The following CRTC1 variants were observed in gnomAD, a reference collection of about 807,000 sequenced individuals.
CRTC1 encodes the protein CREB-regulated transcription coactivator 1.
A neutral mutation model predicts 66.1 loss-of-function variants in CRTC1; 18 were observed. The ratio of observed to expected loss-of-function variants is 0.27; its 90% confidence interval spans 0.19 to 0.40. The LOEUF (loss-of-function observed/expected upper bound fraction) is 0.40. Among genes scored for constraint, CRTC1 ranks in the 10% least tolerant of loss-of-function variants. The pLI is 1.00. For missense variants in CRTC1, 669 were observed against 887.9 expected (o/e 0.75, Z 3.13); for synonymous variants, 416 against 398.8 (o/e 1.04, Z -0.51).
intron 6 of CRTC1, among the ~76,000 whole-genome samples, chr19:18,758,605 G>A (rs912082693): frequency 6.6e-6 from 1 of 152,178 alleles, no homozygotes; most frequent in Non-Finnish European, 1.5e-5. Context: ...GCAGAGGGAC[G>A]TCTCGGGACT....
Position 18,781,876 on chromosome 19 carries a change from C to CG in CRTC1, c.*4495dup. The CG allele has an allele frequency of 4.3e-6, 1 of 230,666 alleles. No individual in the cohort carries two copies. Among genetic ancestry groups the CG allele is most frequent in the Non-Finnish European group, 8.6e-6 (1 of 116,396 alleles). The allele number at this position is 230,666 out of a possible 1,614,324, so 14.3% of individuals were successfully genotyped here. A position where few individuals can be genotyped will look rare whatever the true frequency, so the allele number is the denominator to read the frequency against. The stretch of plus-strand genomic sequence containing the variant: ...TGGGGTCGGGGGATGGCCCCCATCT[C>CG]GAAGTGTTCTGGAATTTGGGGGCAA... On this transcript the variant is annotated 3_prime_UTR_variant, in exon 14 of 14. Transcript: ENST00000321949.
intron 6 of CRTC1, among the ~76,000 whole-genome samples, chr19:18,755,087 G>A (rs539365508): frequency 3.3e-5 from 5 of 151,596 alleles, no homozygotes; most frequent in South Asian, 4.2e-4. Flanking sequence ...GGGTTCAAGC[G>A]AAGTGATTCT....
intron 11 of CRTC1, among the ~76,000 whole-genome samples, chr19:18,774,226 C>T (rs1259467446): frequency 1.1e-4 from 16 of 152,108 alleles, no homozygotes; most frequent in Non-Finnish European, 1.5e-5. Flanking sequence ...GGAGGGGCTC[C>T]GAGTGTCTCC....
intron 1 of CRTC1, among the ~76,000 whole-genome samples, chr19:18,717,403 G>GAGC (rs1359828561): frequency 1.3e-5 from 2 of 152,042 alleles, no homozygotes; most frequent in East Asian, 1.9e-4. Context: ...GGCATCCCTG[G>GAGC]AGCCCTTGCC....
chr19:18,766,429 G>A (rs942860046), intron 9 of CRTC1, among the ~76,000 whole-genome samples: 4 of 146,590 alleles, frequency 2.7e-5, no homozygotes, highest in Admixed American at 6.9e-5. Flanking sequence ...GTGAGCCACC[G>A]CGCCTGACCG....
chr19:18,747,002 T>G, intron 3 of CRTC1, 51 bp from the exon 4 acceptor site: 1 of 1,564,054 alleles, frequency 6.4e-7, no homozygotes, highest in Non-Finnish European at 8.8e-7. Flanking sequence ...GAGAGTGTGT[T>G]GTTGGAGGCG....
chr19:18,768,528 A>C lies in CRTC1; in HGVS notation c.1055A>C (p.Tyr352Ser). 1 of 1,609,506 alleles carries C rather than the reference A, an allele frequency of 6.2e-7. No individual in the cohort carries two copies. ...CTGTCTCTGGAGCAGCAGCTGCCCT[A>C]CGCCTTCTTCACCCAGGCGGGCTCC... is the stretch of plus-strand genomic sequence containing the variant. ...DALSLEQQLP[Y>S]AFFTQAGSQQ... The change falls in exon 10 of 14, where the codon TAC becomes TCC. Residue 352 changes from tyrosine (Y) to serine (S), a missense_variant. Coordinates refer to ENST00000321949, the MANE Select transcript of CRTC1 (RefSeq NM_015321.3). This position sits in a 1 kb window ranked among gnomAD's most constrained non-coding sequence, Gnocchi z 5.6.
Position 18,777,184 on chromosome 19 carries a change from C to A in CRTC1, c.1707C>A (p.Ser569=). ...PNIILTVTGE[S]PPSLSKELTS... ...CCCATCCCCCAGTGACAGGAGAGTC[C>A]CCCCCCAGCCTCTCTAAAGAACTGA... Residue 569 remains serine, a synonymous_variant, in exon 14 of 14, where the codon TCC becomes TCA. Transcript: ENST00000321949. The surrounding 1 kb of genome is among the most constrained non-coding windows in gnomAD (Gnocchi z 5.5). The A allele has an allele frequency of 6.3e-7, 1 of 1,585,658 alleles. No individual in the cohort carries two copies. Among genetic ancestry groups the A allele is most frequent in the Non-Finnish European group, 8.6e-7 (1 of 1,158,944 alleles).
chr19:18,727,350 G>A (rs2053778515), intron 1 of CRTC1, among the ~76,000 whole-genome samples: 1 of 151,934 alleles, frequency 6.6e-6, no homozygotes, highest in Non-Finnish European at 1.5e-5. Context: ...GGTAGGCCGA[G>A]GCAGGCAGGT....
At position 18,749,888 on chromosome 19, in the gene CRTC1, G is replaced by A; in HGVS notation, c.538+13G>A. 6.2e-7 allele frequency: 1 copy of A among 1,609,002 alleles called. No homozygotes were observed. The highest frequency in any genetic ancestry group is 1.7e-5 in the Admixed American group (1 of 60,012). On this transcript the variant is annotated intron_variant, in intron 5 of 13. Transcript: ENST00000321949. The stretch of plus-strand genomic sequence containing the variant: ...CACCAGAAAAGAGGTATGGACAGGG[G>A]ACTCGGGTGTCTCTGCTGGGGTGAG...
intron 1 of CRTC1, among the ~76,000 whole-genome samples, chr19:18,694,819 G>C (rs1374324848): frequency 6.6e-6 from 1 of 152,100 alleles, no homozygotes; most frequent in Non-Finnish European, 1.5e-5. Context: ...TGTTAAGGAA[G>C]ATCAGCTGCA....
intron 1 of CRTC1, among the ~76,000 whole-genome samples, chr19:18,728,814 CCTT>C (rs2053818521): frequency 1.7e-5 from 1 of 59,920 alleles, no homozygotes; most frequent in South Asian, 5.8e-4. Flanking sequence ...CCTCACCTGG[CCTT>C]TTTTTTTTTT....
chr19:18,737,548 C>T (rs557770362), intron 1 of CRTC1, among the ~76,000 whole-genome samples: 34 of 152,224 alleles, frequency 2.2e-4, no homozygotes, highest in Middle Eastern at 3.4e-3. Context: ...CCTCAAAAGC[C>T]CTGTAGAGGG....
At chr19:18,731,999 T>C (rs2053900869) in intron 1 of CRTC1, among the ~76,000 whole-genome samples, 1 of 152,200 alleles carries the variant, frequency 6.6e-6, no homozygotes, top group African/African-American at 2.4e-5. Flanking sequence ...GGTTGCCCCC[T>C]GATGACTTGG....
chr19:18,711,384 C>T (rs551288046), intron 1 of CRTC1, among the ~76,000 whole-genome samples: 16 of 152,234 alleles, frequency 1.1e-4, no homozygotes, highest in African/African-American at 3.6e-4. Context: ...GTGCCTGGGC[C>T]GGGCGGGAGC....
In CRTC1 at chr19:18,708,003, G is replaced by A. The variant is rs942554892; in HGVS notation, c.126+24175G>A. On this transcript the variant is annotated intron_variant, in intron 1 of 13. Transcript: ENST00000321949. ...CTCAGGACTGTAGCTTGCACAGGTA[G>A]TGCTCCATGAAGGCAGCCATGTCTC... Among the ~76,000 whole-genome samples, 13 of 152,368 alleles carry A rather than the reference G, an allele frequency of 8.5e-5. 1 individual carries two copies. The highest frequency in any genetic ancestry group is 7.7e-4 in the East Asian group (4 of 5,196).
At chr19:18,730,655 G>A (rs1208167682) in intron 1 of CRTC1, among the ~76,000 whole-genome samples, 4 of 152,094 alleles carry the variant, frequency 2.6e-5, no homozygotes, top group East Asian at 1.9e-4. Context: ...CCTGCTGCCC[G>A]ACCCGCTGCC....
intron 1 of CRTC1, among the ~76,000 whole-genome samples, chr19:18,691,267 A>AC (rs1466683291): frequency 1.3e-5 from 2 of 152,082 alleles, no homozygotes; most frequent in Non-Finnish European, 2.9e-5. Context: ...TGTAATCCCA[A>AC]CATTTTGAGA....
intron 1 of CRTC1, among the ~76,000 whole-genome samples, chr19:18,721,078 T>C (rs527899662): frequency 6.6e-6 from 1 of 152,292 alleles, no homozygotes; most frequent in Admixed American, 6.5e-5. Flanking sequence ...GCTCTTTGCA[T>C]CACTCCAGTC....
Sources: gnomAD v4.1 joint callset for allele counts (sites outside exome capture counted in the v4.1 genomes callset) on GRCh38, gnomAD v4.1.1 for gene constraint, Gnocchi (gnomAD v3.1) non-coding constraint, MANE v1.5 for transcripts, NCBI Gene and HGNC (gene_info 2026-07-23, HGNC 2026-07-21) for gene names.